ADK: variants seen among roughly 807,000 people sequenced by gnomAD.
The protein encoded by ADK is N6,N6-dimethyladenosine kinase.
In ADK, 24 loss-of-function variants were observed where a neutral mutation model predicts 44.7. The observed-to-expected ratio is 0.54, with a 90% CI of 0.39 to 0.76. The LOEUF is 0.76. Among genes scored for constraint, ADK ranks in the 30% least tolerant of loss-of-function variants. ADK has a pLI of 0.00. For missense variants in ADK, 321 were observed against 425.1 expected (o/e 0.76, Z 2.15); for synonymous variants, 128 against 142.6 (o/e 0.90, Z 0.73).
intron 6 of ADK, among the ~76,000 whole-genome samples, chr10:74,448,436 T>C (rs1832276024): frequency 6.6e-6 from 1 of 152,184 alleles, no homozygotes; most frequent in Non-Finnish European, 1.5e-5. Context: ...GAGGATTAAA[T>C]GAAGCAGCAT....
At chr10:74,334,922 G>A (rs1321985833) in intron 4 of ADK, among the ~76,000 whole-genome samples, 2 of 152,166 alleles carry the variant, frequency 1.3e-5, no homozygotes, top group African/African-American at 4.8e-5. Context: ...CTTTTGGGGA[G>A]GCTTTCCTTA....
chr10:74,172,040 C>T lies in ADK; in HGVS notation c.65+20697C>T, dbSNP rs1034871028. On this transcript the variant is annotated intron_variant, in intron 1 of 10. Coordinates refer to ENST00000539909, the MANE Select transcript of ADK (RefSeq NM_006721.4). ...ATTTTTGTGTTTGTAACTGCTGACA[C>T]GACTGGTACTTAAATTTTGAGAGAA... is the stretch of plus-strand genomic sequence containing the variant. Among the ~76,000 whole-genome samples the T allele has an allele frequency of 3.4e-4, 52 of 151,760 alleles. 1 individual carries two copies. The highest frequency in any genetic ancestry group is 1.5e-4 in the Non-Finnish European group (10 of 67,982).
intron 4 of ADK, among the ~76,000 whole-genome samples, chr10:74,389,568 G>A (rs765124021): frequency 6.0e-5 from 9 of 149,926 alleles, no homozygotes; most frequent in South Asian, 2.1e-4. Flanking sequence ...AGCAGTTAAC[G>A]TGGCTTTTTT....
chr10:74,699,656 CAG>C (rs532326900), intron 10 of ADK, among the ~76,000 whole-genome samples: 303 of 152,170 alleles, frequency 2.0e-3, no homozygotes, highest in African/African-American at 7.0e-3. Context: ...GCCTGGATGA[CAG>C]AGGAGACTCT....
At chr10:74,187,371 T>C (rs1842797844) in intron 1 of ADK, among the ~76,000 whole-genome samples, 1 of 152,212 alleles carries the variant, frequency 6.6e-6, no homozygotes, top group South Asian at 2.1e-4. Flanking sequence ...AACATTTATG[T>C]ACAAGTTTTT....
chr10:74,502,793 T>C (rs1847926671), intron 6 of ADK, among the ~76,000 whole-genome samples: 1 of 152,076 alleles, frequency 6.6e-6, no homozygotes, highest in African/African-American at 2.4e-5. Context: ...CCCCTGGAAA[T>C]TGGGTGTTAT....
chr10:74,506,373 C>T (rs1848075931), intron 6 of ADK: 1 of 239,372 alleles, frequency 4.2e-6, no homozygotes, highest in Admixed American at 4.8e-5. Flanking sequence ...TGATTTTTCT[C>T]TGCTTCTTGG....
intron 3 of ADK, among the ~76,000 whole-genome samples, chr10:74,295,272 G>A (rs529013388): frequency 4.7e-4 from 71 of 151,502 alleles, no homozygotes; most frequent in African/African-American, 1.5e-3. Flanking sequence ...GACCAGCCTG[G>A]CCAACATGGT....
intron 9 of ADK, among the ~76,000 whole-genome samples, chr10:74,607,981 G>C (rs189222158): frequency 6.6e-6 from 1 of 151,346 alleles, no homozygotes; most frequent in Admixed American, 6.6e-5. Context: ...TCATTAAGTT[G>C]ATCTTCAATC....
chr10:74,564,109 GT>G (rs1374536486), intron 7 of ADK, among the ~76,000 whole-genome samples: 1 of 134,208 alleles, frequency 7.5e-6, no homozygotes, highest in Non-Finnish European at 1.5e-5. Context: ...TGTTCTCATT[GT>G]TCAATTCCCA....
At chr10:74,385,268 C>G (rs1843105351) in intron 4 of ADK, among the ~76,000 whole-genome samples, 1 of 151,960 alleles carries the variant, frequency 6.6e-6, no homozygotes, top group Admixed American at 6.6e-5. Flanking sequence ...TTAATAGAGG[C>G]AGGAGTAAAA....
chr10:74,584,995 C>A lies in ADK; in HGVS notation c.727-4287C>A, dbSNP rs192218318. 1.5e-3 allele frequency among the ~76,000 whole-genome samples: 231 copies of A among 152,264 alleles called. 1 individual carries two copies. The highest frequency in any genetic ancestry group is 5.0e-3 in the African/African-American group (208 of 41,554). On this transcript the variant is annotated intron_variant, in intron 7 of 10. Transcript: ENST00000539909. ...TCAGATGAAATATAGAGAAAGTTTT[C>A]TCCTCCATAGTTGTCTTTCATATAC... is the stretch of plus-strand genomic sequence containing the variant.
At chr10:74,182,023 G>A (rs916666258) in intron 1 of ADK, among the ~76,000 whole-genome samples, 1 of 152,128 alleles carries the variant, frequency 6.6e-6, no homozygotes, top group Non-Finnish European at 1.5e-5. Flanking sequence ...AAATTTATGT[G>A]GGCAGTGGGT....
chr10:74,475,655 A>G (rs1846802329), intron 6 of ADK, among the ~76,000 whole-genome samples: 1 of 152,052 alleles, frequency 6.6e-6, no homozygotes, highest in South Asian at 2.1e-4. Context: ...TGTGTGAGCC[A>G]TGATCATGAC....
At chr10:74,205,590 C>T (rs1418088514) in intron 2 of ADK, among the ~76,000 whole-genome samples, 1 of 144,918 alleles carries the variant, frequency 6.9e-6, no homozygotes, top group Non-Finnish European at 1.5e-5. Context: ...GCAGGAGAAT[C>T]GGGTGAACCT....
At chr10:74,492,647 T>C (rs559949137) in intron 6 of ADK, among the ~76,000 whole-genome samples, 1 of 152,340 alleles carries the variant, frequency 6.6e-6, no homozygotes, top group East Asian at 1.9e-4. Context: ...TCTGACTTTA[T>C]CTTTCATGAC....
At chr10:74,455,109 T>C (rs949857999) in intron 6 of ADK, among the ~76,000 whole-genome samples, 24 of 152,190 alleles carry the variant, frequency 1.6e-4, no homozygotes, top group African/African-American at 5.5e-4. Flanking sequence ...ATAGGAATGA[T>C]GATAATAATA....
chr10:74,225,218 C>T (rs1844489255), intron 3 of ADK, among the ~76,000 whole-genome samples: 1 of 152,182 alleles, frequency 6.6e-6, no homozygotes, highest in Admixed American at 6.5e-5. Context: ...GCTGGGATTA[C>T]AGGTGCCCGC....
At chr10:74,608,330 T>C (rs1326951872) in intron 9 of ADK, among the ~76,000 whole-genome samples, 1 of 152,102 alleles carries the variant, frequency 6.6e-6, no homozygotes, top group Non-Finnish European at 1.5e-5. Context: ...TCTGGAATTT[T>C]CAGCCTTTTT....
Sources: gnomAD v4.1 joint callset for allele counts (sites outside exome capture counted in the v4.1 genomes callset) on GRCh38, gnomAD v4.1.1 for gene constraint, MANE v1.5 for transcripts, NCBI Gene and HGNC (gene_info 2026-07-23, HGNC 2026-07-21) for gene names.